NUCB1: variants seen among roughly 807,000 people sequenced by gnomAD.
NUCB1 encodes nucleobindin 1.
A neutral mutation model predicts 61.2 loss-of-function variants in NUCB1; 47 were observed. The observed-to-expected ratio is 0.77, with a 90% CI of 0.61 to 0.98. NUCB1 has a LOEUF of 0.98. Ranked by LOEUF, NUCB1 falls within the 50% of genes least tolerant of loss-of-function variation. NUCB1 has a pLI of 0.00. For synonymous variants in NUCB1, 234 were observed against 243.1 expected (o/e 0.96, Z 0.35); for missense variants, 583 against 605.3 (o/e 0.96, Z 0.39).
intron 7 of NUCB1, among the ~76,000 whole-genome samples, chr19:48,916,972 C>T (rs2037547397): frequency 6.6e-6 from 1 of 152,080 alleles, no homozygotes; most frequent in Non-Finnish European, 1.5e-5. Flanking sequence ...ATAATCCCAG[C>T]ACTTTGCGAA....
At position 48,922,289 on chromosome 19, in the gene NUCB1, G is replaced by A. The variant is rs112696608; in HGVS notation, c.1280-29G>A. On this transcript the variant is annotated intron_variant, in intron 12 of 12. Transcript: ENST00000405315. Reference sequence around the variant, plus strand: ...GGGGGAGGAGGGGTTCGGATGTCCTGTGCCACCATTCCCTCCCTCCATTTC... The same window carrying A: ...GGGGGAGGAGGGGTTCGGATGTCCTATGCCACCATTCCCTCCCTCCATTTC... The A allele has an allele frequency of 2.1e-3, 3,347 of 1,585,954 alleles. 66 individuals are homozygous for A. In the African/African-American group the frequency reaches 0.033, roughly 16 times the overall value.
intron 2 of NUCB1, 47 bp downstream of exon 2, chr19:48,900,978 T>C: frequency 1.2e-6 from 2 of 1,610,738 alleles, no homozygotes; most frequent in Non-Finnish European, 1.7e-6. Context: ...GCAGTGGTAC[T>C]ACAGCTCCTG....
At chr19:48,908,721 GGTGTGTGTGTGTGT>G (rs57686025) in intron 4 of NUCB1, among the ~76,000 whole-genome samples, 23 of 109,368 alleles carry the variant, frequency 2.1e-4, no homozygotes, top group East Asian at 8.4e-4. Context: ...TTGACCAAGG[GGTGTGTGTGTGTGT>G]GTGTGTGTGT....
chr19:48,919,165 C>T, intron 9 of NUCB1, 29 bp from the exon 10 acceptor site: 1 of 1,613,966 alleles, frequency 6.2e-7, no homozygotes, highest in Non-Finnish European at 8.5e-7. Context: ...GCCCCCAGCT[C>T]TGTCACTCAC....
chr19:48,913,624 C>T (rs1241065441), intron 7 of NUCB1, 60 bp downstream of exon 7: 6 of 1,368,398 alleles, frequency 4.4e-6, no homozygotes, highest in Non-Finnish European at 3.1e-6. Flanking sequence ...CCTTCTAGGA[C>T]CTGAATGCTA....
chr19:48,917,582 C>G (rs545245700), intron 7 of NUCB1, among the ~76,000 whole-genome samples: 4 of 152,140 alleles, frequency 2.6e-5, no homozygotes, highest in Non-Finnish European at 4.4e-5. Flanking sequence ...CTGCAACCCC[C>G]GCCTCCCAGG....
chr19:48,918,424 ACT>A, intron 7 of NUCB1: 1 of 330,310 alleles, frequency 3.0e-6, no homozygotes, highest in East Asian at 6.2e-5. Context: ...CCTGGAGCTG[ACT>A]CTGTGTCCAG....
intron 7 of NUCB1, 51 bp downstream of exon 7, chr19:48,913,615 C>A (rs756770163): frequency 2.1e-6 from 3 of 1,435,506 alleles, no homozygotes; most frequent in Admixed American, 1.7e-5. Context: ...GATTCTGACC[C>A]TTCTAGGACC....
rs539846871 is a variant in NUCB1 at position 48,904,442 on chromosome 19, G to A, written c.231G>A (p.Ala77=). 2.9e-4 allele frequency: 468 copies of A among 1,612,200 alleles called. 6 individuals are homozygous for A. The South Asian group carries it at 4.7e-3, about 16-fold the overall frequency. The change falls in exon 3 of 13, where the codon GCG becomes GCA. Residue 77 remains alanine, a synonymous_variant. Coordinates refer to ENST00000405315, the MANE Select transcript of NUCB1 (RefSeq NM_006184.6). ...GAGAGAAGCTGCAGGCTGCCAATGC[G>A]GAGGACATCAAGGTGCGGCTGGGGG... ...HFREKLQAAN[A]EDIKSGKLSR... is the part of the protein sequence containing the mutation.
Position 48,921,228 on chromosome 19 carries a change from A to G in NUCB1, c.1077A>G (p.Ala359=), listed in dbSNP as rs1471977773. The G allele has an allele frequency of 1.2e-6, 2 of 1,613,264 alleles. No homozygotes were observed. Among genetic ancestry groups the G allele is most frequent in the Non-Finnish European group, 1.7e-6 (2 of 1,179,928 alleles). The change falls in exon 11 of 13, where the codon GCA becomes GCG. Residue 359 remains alanine (A), a synonymous_variant. Coordinates refer to ENST00000405315, the MANE Select transcript of NUCB1 (RefSeq NM_006184.6). ...AAGAGGAGCTGGCTGCCCGGGAGGC[A>G]GAGCTGAATGCCAAGGCCCAGCGCC... ...RFEEELAARE[A]ELNAKAQRLS... is the part of the protein sequence containing the mutation.
In NUCB1 at chr19:48,922,433, G is replaced by A. The variant is rs779291640; in HGVS notation, c.*9G>A. On this transcript the variant is annotated 3_prime_UTR_variant, in exon 13 of 13. Coordinates refer to ENST00000405315, the MANE Select transcript of NUCB1 (RefSeq NM_006184.6). ...TGCCCCAGCATCTGTGATCCTCCGG[G>A]ACCCCAGCCCTCAGGATTCCTGATG... 9 of 1,608,592 alleles carry A rather than the reference G, an allele frequency of 5.6e-6. No individual in the cohort carries two copies. The highest frequency in any genetic ancestry group is 7.7e-6 in the Non-Finnish European group (9 of 1,175,174).
chr19:48,912,259 C>A (rs755411026), intron 5 of NUCB1, among the ~76,000 whole-genome samples: 1 of 151,980 alleles, frequency 6.6e-6, no homozygotes, highest in African/African-American at 2.4e-5. Context: ...CTCCCGGGCT[C>A]GAGTGATCCT....
chr19:48,922,024 G>T, intron 12 of NUCB1, 92 bp downstream of exon 12: 1 of 1,023,840 alleles, frequency 9.8e-7, no homozygotes. Flanking sequence ...AGATCTGAGG[G>T]AAGAGGGACT....
At chr19:48,917,316 T>C (rs1019739123) in intron 7 of NUCB1, among the ~76,000 whole-genome samples, 2 of 152,100 alleles carry the variant, frequency 1.3e-5, no homozygotes, top group African/African-American at 4.8e-5. Context: ...TATACCTTTT[T>C]TTATTTTTCA....
At chr19:48,908,498 T>C (rs1249993288) in intron 4 of NUCB1, among the ~76,000 whole-genome samples, 1 of 152,162 alleles carries the variant, frequency 6.6e-6, no homozygotes, top group Non-Finnish European at 1.5e-5. Context: ...TGGGTCAGCC[T>C]GGAATAGCGG....
At chr19:48,914,412 A>G (rs1300214001) in intron 7 of NUCB1, among the ~76,000 whole-genome samples, 4 of 152,092 alleles carry the variant, frequency 2.6e-5, no homozygotes, top group Admixed American at 2.0e-4. Flanking sequence ...AGCCGGTCAG[A>G]TAAGCTTAGC....
rs779567462 is a variant in NUCB1 at position 48,913,065 on chromosome 19, T to C, written c.535T>C (p.Tyr179His). 6.2e-7 allele frequency: 1 copy of C among 1,613,618 alleles called. No individual in the cohort carries two copies. Among genetic ancestry groups the C allele is most frequent in the Non-Finnish European group, 8.5e-7 (1 of 1,179,966 alleles). Residue 179 changes from tyrosine to histidine, a missense_variant, in exon 6 of 13, where the codon TAC becomes CAC. By Grantham distance (83) the Tyr-to-His change is moderately conservative. Transcript: ENST00000405315. ...DAAHHEEFKR[Y>H]EMLKEHERRR... ...AGCCCATCATGAAGAGTTCAAGCGC[T>C]ACGAGATGCTTAAGGAACACGAGAG...
chr19:48,903,460 G>A (rs2037374479), intron 2 of NUCB1, among the ~76,000 whole-genome samples: 1 of 145,456 alleles, frequency 6.9e-6, no homozygotes, highest in African/African-American at 2.6e-5. Flanking sequence ...ATGGGTGGTT[G>A]GATGGATGGG....
In NUCB1 at chr19:48,919,038, A is replaced by AGT. The variant is rs2037574716; in HGVS notation, c.828_829dup (p.Tyr277CysfsTer25). The AGT allele has an allele frequency of 6.2e-7, 1 of 1,613,958 alleles. No individual in the cohort carries two copies. Among genetic ancestry groups the AGT allele is most frequent in the Non-Finnish European group, 8.5e-7 (1 of 1,179,990 alleles). ...CTCGCTTGCTCCTGCAGCTGGAGAA[A>AGT]GTGTACGACCCAAAGAATGAGGAGG... is the stretch of plus-strand genomic sequence containing the variant. On this transcript the variant is annotated frameshift_variant, in exon 9 of 13. Coordinates refer to ENST00000405315, the MANE Select transcript of NUCB1 (RefSeq NM_006184.6). LOFTEE classifies it high-confidence loss of function.
Sources: allele counts gnomAD v4.1 joint callset (sites outside exome capture counted in the v4.1 genomes callset), GRCh38; gene constraint gnomAD v4.1.1; transcripts MANE v1.5; gene names NCBI Gene and HGNC (gene_info 2026-07-23, HGNC 2026-07-21).